Variants in BLTP2 observed in about 807,000 individuals in gnomAD.
BLTP2 encodes the protein U937-associated antigen.
the BLTP2 span, chr17:28,621,123 T>C: frequency 9.3e-6 from 15 of 1,614,180 alleles, no homozygotes; most frequent in Non-Finnish European, 1.2e-5. Context: ...CGCGAAATGA[T>C]CCGCTGGACT....
At chr17:28,631,724 A>G in the BLTP2 span, 1 of 1,608,966 alleles carries the variant, frequency 6.2e-7, no homozygotes, top group Non-Finnish European at 8.5e-7. Flanking sequence ...ACCAGTTCAG[A>G]GGATAGTGTA....
chr17:28,629,682 T>C, the BLTP2 span, among the ~76,000 whole-genome samples: 1 of 152,170 alleles, frequency 6.6e-6, no homozygotes, highest in Non-Finnish European at 1.5e-5. Flanking sequence ...TTTCACCATA[T>C]TGGCCAGGCT....
the BLTP2 span, chr17:28,621,641 C>T: frequency 1.5e-6 from 1 of 654,630 alleles, no homozygotes; most frequent in Admixed American, 2.2e-5. Flanking sequence ...ACCATATCTC[C>T]CAGGATAGAG....
the BLTP2 span, chr17:28,633,461 A>G: frequency 2.5e-6 from 4 of 1,579,334 alleles, no homozygotes; most frequent in South Asian, 4.4e-5. Flanking sequence ...TCATCTCCCA[A>G]ATCAGCACCT....
At chr17:28,638,030 G>C in the BLTP2 span, 8 of 1,614,166 alleles carry the variant, frequency 5.0e-6, no homozygotes, top group Non-Finnish European at 6.8e-6. Context: ...TCCTCGAATG[G>C]TACAATCAAG....
chr17:28,617,021 A>G, the BLTP2 span: 27 of 1,561,254 alleles, frequency 1.7e-5, no homozygotes, highest in Middle Eastern at 3.9e-3. Context: ...AGAGTAAAGA[A>G]GAGCCCAACC....
the BLTP2 span, chr17:28,633,129 G>C: frequency 1.9e-6 from 3 of 1,584,066 alleles, no homozygotes; most frequent in Non-Finnish European, 2.6e-6. Flanking sequence ...TCATGCAGAG[G>C]TCAGGCAGGT....
chr17:28,639,830 T>C, the BLTP2 span: 84 of 1,574,830 alleles, frequency 5.3e-5, 1 homozygote, highest in South Asian at 4.8e-4. Context: ...AAGGAGACCA[T>C]ATGGGGCATG....
chr17:28,637,017 A>C, the BLTP2 span: 1 of 1,614,186 alleles, frequency 6.2e-7, no homozygotes, highest in Non-Finnish European at 8.5e-7. Context: ...GGAAAGGCTG[A>C]GCACTGGGGT....
At chr17:28,645,119 C>T in the BLTP2 span, 2 of 1,380,696 alleles carry the variant, frequency 1.4e-6, no homozygotes, top group Admixed American at 3.1e-5. Context: ...GACGCCGGAT[C>T]CGCGCAGCAC....
chr17:28,643,732 A>G, the BLTP2 span: 1 of 1,392,370 alleles, frequency 7.2e-7, no homozygotes, highest in African/African-American at 1.4e-5. Context: ...AAGCCAGGAA[A>G]TGTTCTGGAT....
the BLTP2 span, chr17:28,628,206 C>T: frequency 2.8e-6 from 4 of 1,448,634 alleles, no homozygotes; most frequent in South Asian, 2.4e-5. Flanking sequence ...AAACTCCTGT[C>T]CAAGCCCATA....
chr17:28,642,324 TCA>T, the BLTP2 span: 2 of 1,614,046 alleles, frequency 1.2e-6, no homozygotes, highest in African/African-American at 2.7e-5. Context: ...TAAGCTCACC[TCA>T]CAGATTAGCC....
At chr17:28,619,007 A>C in the BLTP2 span, 814 of 1,577,012 alleles carry the variant, frequency 5.2e-4, 14 homozygotes, top group South Asian at 8.7e-3. Context: ...CCAGTAAGGG[A>C]AACAGCACAT....
chr17:28,638,914 C>T, the BLTP2 span: 30 of 441,020 alleles, frequency 6.8e-5, no homozygotes, highest in Admixed American at 5.3e-4. Context: ...CAATACTATA[C>T]GCTTGAACCT....
At chr17:28,633,947 G>A in the BLTP2 span, 85 of 1,614,096 alleles carry the variant, frequency 5.3e-5, no homozygotes, top group African/African-American at 3.5e-4. Flanking sequence ...CCACTGCCAC[G>A]TTACCCCACG....
the BLTP2 span, chr17:28,645,027 G>C: frequency 1.2e-6 from 2 of 1,601,378 alleles, no homozygotes; most frequent in African/African-American, 2.7e-5. Flanking sequence ...CTAGCAGCAA[G>C]ACCAACAGCG....
At chr17:28,622,903 T>C in the BLTP2 span, among the ~76,000 whole-genome samples, 8 of 152,036 alleles carry the variant, frequency 5.3e-5, no homozygotes, top group Non-Finnish European at 7.4e-5. Context: ...GGTGAAACCC[T>C]GTCTCTACTA....
At chr17:28,638,222 A>T in the BLTP2 span, 3 of 1,605,674 alleles carry the variant, frequency 1.9e-6, no homozygotes, top group African/African-American at 4.0e-5. Flanking sequence ...AAAGCTGTGC[A>T]GGCCCCTATT....
Sources: gnomAD v4.1 joint callset for allele counts (sites outside exome capture counted in the v4.1 genomes callset) on GRCh38, gnomAD v4.1.1 for gene constraint, MANE v1.5 for transcripts, NCBI Gene and HGNC (gene_info 2026-07-23, HGNC 2026-07-21) for gene names.